Variants in PLPP4 observed in about 807,000 individuals in gnomAD.
PLPP4 encodes phospholipid phosphatase 4.
A neutral mutation model predicts 32.2 loss-of-function variants in PLPP4; 20 were observed. The observed-to-expected ratio is 0.62, with a 90% confidence interval of 0.44 to 0.90. The LOEUF (loss-of-function observed/expected upper bound fraction) is 0.90. PLPP4 is among the 40% of genes least tolerant of loss of function. PLPP4 has a pLI of 0.00. For missense variants in PLPP4, 257 were observed against 353.1 expected (o/e 0.73, Z 2.18); for synonymous variants, 127 against 133.0 (o/e 0.95, Z 0.31).
At chr10:120,487,679 GA>G (rs1403625007) in intron 1 of PLPP4, among the ~76,000 whole-genome samples, 1 of 152,180 alleles carries the variant, frequency 6.6e-6, no homozygotes, top group Non-Finnish European at 1.5e-5. Flanking sequence ...AAGGGGTGCT[GA>G]AACTTTTGGC....
At chr10:120,509,246 G>C (rs542339777) in intron 2 of PLPP4, among the ~76,000 whole-genome samples, 6 of 152,082 alleles carry the variant, frequency 3.9e-5, no homozygotes, top group Non-Finnish European at 7.4e-5. Flanking sequence ...TATTATTATC[G>C]TCATACCCAT....
At chr10:120,555,715 T>G (rs1251631974) in intron 5 of PLPP4, among the ~76,000 whole-genome samples, 1 of 152,234 alleles carries the variant, frequency 6.6e-6, no homozygotes. Context: ...TTTCAAGTCT[T>G]GTATCTATCA....
chr10:120,484,678 T>C (rs922004677), intron 1 of PLPP4, among the ~76,000 whole-genome samples: 4 of 152,204 alleles, frequency 2.6e-5, no homozygotes, highest in African/African-American at 4.8e-5. Flanking sequence ...TACTGTTGCA[T>C]TGGGGACCAA....
intron 2 of PLPP4, among the ~76,000 whole-genome samples, chr10:120,510,246 G>A (rs916952113): frequency 6.6e-6 from 1 of 152,076 alleles, no homozygotes; most frequent in African/African-American, 2.4e-5. Context: ...GTCCAAGAAG[G>A]GTTCAATATG....
In PLPP4 at chr10:120,572,672, C is replaced by T. The variant is rs554897509; in HGVS notation, c.446-2459C>T. ...AAAGCCACCTGATTTGAATAAAGTC[C>T]ATTATTCCTCCTGAAGGAGCTCAGG... On this transcript the variant is annotated intron_variant, in intron 5 of 6. Coordinates refer to ENST00000398250, the MANE Select transcript of PLPP4 (RefSeq NM_001030059.3). Among the ~76,000 whole-genome samples, 6 of 152,298 alleles carry T rather than the reference C, an allele frequency of 3.9e-5. No individual in the cohort carries two copies. The South Asian group carries it at 1.0e-3, about 26-fold the overall frequency.
At chr10:120,540,071 G>A (rs537608792) in intron 5 of PLPP4, among the ~76,000 whole-genome samples, 1 of 148,200 alleles carries the variant, frequency 6.7e-6, no homozygotes, top group Non-Finnish European at 1.5e-5. Context: ...CAAATATTTT[G>A]TCCTAGGGAT....
chr10:120,574,678 G>A (rs1849129123), intron 5 of PLPP4, among the ~76,000 whole-genome samples: 1 of 152,140 alleles, frequency 6.6e-6, no homozygotes, highest in Non-Finnish European at 1.5e-5. Context: ...ATGCCCTTCA[G>A]ATCTAAGCAG....
At chr10:120,516,720 A>G (rs1203259584) in intron 3 of PLPP4, among the ~76,000 whole-genome samples, 1 of 152,114 alleles carries the variant, frequency 6.6e-6, no homozygotes, top group Non-Finnish European at 1.5e-5. Flanking sequence ...TATGAATCAG[A>G]CCCACTGGGT....
rs2478424 is a variant in PLPP4 at position 120,491,367 on chromosome 10, T to C, written c.57-12451T>C. On this transcript the variant is annotated intron_variant, in intron 1 of 6. Coordinates refer to ENST00000398250, the MANE Select transcript of PLPP4 (RefSeq NM_001030059.3). ...GCCACATCCGAGCCAGGGAGAGGGC[T>C]CCTCAGTGCCCCAGGCTCCAGGGCA... 5.8e-3 allele frequency among the ~76,000 whole-genome samples: 885 copies of C among 152,300 alleles called. 12 individuals carry two copies. The highest frequency in any genetic ancestry group is 0.02 in the African/African-American group (842 of 41,576).
Position 120,560,004 on chromosome 10 carries a change from T to C in PLPP4, c.446-15127T>C, listed in dbSNP as rs547079044. ...TGTGTGAGCTCAAGTGTTTTGAATA[T>C]CTACCTAAAACACCGTGTGGCGCTG... is the stretch of plus-strand genomic sequence containing the variant. On this transcript the variant is annotated intron_variant, in intron 5 of 6. Transcript: ENST00000398250. Among the ~76,000 whole-genome samples, 3 of 152,188 alleles carry C rather than the reference T, an allele frequency of 2.0e-5. 1 individual carries two copies. Among genetic ancestry groups the C allele is most frequent in the Admixed American group, 1.3e-4 (2 of 15,276 alleles).
intron 6 of PLPP4, among the ~76,000 whole-genome samples, chr10:120,588,811 C>T (rs995076703): frequency 8.5e-5 from 13 of 152,080 alleles, no homozygotes; most frequent in Non-Finnish European, 1.3e-4. Flanking sequence ...TTTGGGAGGC[C>T]GAGGTGTGCA....
chr10:120,530,852 G>A (rs1405707398), intron 5 of PLPP4, among the ~76,000 whole-genome samples: 2 of 152,100 alleles, frequency 1.3e-5, no homozygotes, highest in East Asian at 3.9e-4. Context: ...TCATTTTGGT[G>A]GGTGCATAGT....
intron 1 of PLPP4, among the ~76,000 whole-genome samples, chr10:120,486,016 A>C (rs1844431472): frequency 6.6e-6 from 1 of 152,224 alleles, no homozygotes; most frequent in South Asian, 2.1e-4. Flanking sequence ...AACTCTGTAA[A>C]GGATGCTGCT....
intron 1 of PLPP4, among the ~76,000 whole-genome samples, chr10:120,474,793 C>T (rs780688903): frequency 1.3e-5 from 2 of 152,068 alleles, no homozygotes; most frequent in Non-Finnish European, 2.9e-5. Flanking sequence ...TGAGTATTTT[C>T]TATATGCCAG....
chr10:120,528,068 C>CGTTTT lies in PLPP4; in HGVS notation c.445+6974_445+6978dup, dbSNP rs1564817498. ...GGGAAATTTGAAAAATACCACTCTC[C>CGTTTT]GTTTTTTTTTTTTTTTTTTTTTTTG... On this transcript the variant is annotated intron_variant, in intron 5 of 6. Coordinates refer to ENST00000398250, the MANE Select transcript of PLPP4 (RefSeq NM_001030059.3). Among the ~76,000 whole-genome samples, 13 of 120,268 alleles carry CGTTTT rather than the reference C, an allele frequency of 1.1e-4. 1 individual carries two copies. Among genetic ancestry groups the CGTTTT allele is most frequent in the African/African-American group, 4.1e-4 (12 of 29,532 alleles). 78.9% of individuals were successfully genotyped at this position (120,268 alleles called of 152,430 possible). A position where few individuals can be genotyped will look rare whatever the true frequency, so the allele number is the denominator to read the frequency against.
chr10:120,522,985 A>G (rs1846224222), intron 5 of PLPP4, among the ~76,000 whole-genome samples: 1 of 152,234 alleles, frequency 6.6e-6, no homozygotes, highest in African/African-American at 2.4e-5. Flanking sequence ...CCCTAAGCCC[A>G]GTGGCAGGTG....
chr10:120,503,305 T>C (rs1234226277), intron 1 of PLPP4, among the ~76,000 whole-genome samples: 1 of 152,222 alleles, frequency 6.6e-6, no homozygotes, highest in African/African-American at 2.4e-5. Context: ...GGTGGCCTGA[T>C]GGCTGAGATC....
chr10:120,461,674 C>T (rs1176014751), intron 1 of PLPP4, among the ~76,000 whole-genome samples: 1 of 152,214 alleles, frequency 6.6e-6, no homozygotes, highest in Non-Finnish European at 1.5e-5. Context: ...CAGGTGGCCC[C>T]CAGTACCTTA....
At chr10:120,577,302 A>G (rs1849267254) in intron 6 of PLPP4, among the ~76,000 whole-genome samples, 1 of 152,098 alleles carries the variant, frequency 6.6e-6, no homozygotes, top group South Asian at 2.1e-4. Context: ...TTTTTCCTTT[A>G]TCTTGGAGTC....
Sources: allele counts gnomAD v4.1 joint callset (sites outside exome capture counted in the v4.1 genomes callset), GRCh38; gene constraint gnomAD v4.1.1; transcripts MANE v1.5; gene names NCBI Gene and HGNC (gene_info 2026-07-23, HGNC 2026-07-21).